Variants in OR2L13 observed in about 807,000 individuals in gnomAD.
The protein encoded by OR2L13 is olfactory receptor 2L13.
A neutral mutation model predicts 15.3 loss-of-function variants in OR2L13; 14 were observed. The observed-to-expected ratio is 0.91, with a 90% CI of 0.60 to 1.43. The LOEUF (loss-of-function observed/expected upper bound fraction) is 1.43, where lower values mean the gene tolerates loss of function less well. Among genes scored for constraint, OR2L13 ranks in the 40% most tolerant of loss-of-function variants. The pLI, the probability that OR2L13 is intolerant of heterozygous loss-of-function variation, is 0.00. For missense variants in OR2L13, 367 were observed against 387.9 expected (o/e 0.95, Z 0.45); for synonymous variants, 152 against 142.9 (o/e 1.06, Z -0.45).
At chr1:247,990,834 G>A in the OR2L13 span, 16 of 1,585,066 alleles carry the variant, frequency 1.0e-5, no homozygotes, top group Admixed American at 5.0e-5. Context: ...TAGCCTGCAC[G>A]GATACCTGGG....
chr1:247,985,046 C>A, the OR2L13 span, among the ~76,000 whole-genome samples: 2 of 152,246 alleles, frequency 1.3e-5, no homozygotes, highest in South Asian at 2.1e-4. Flanking sequence ...TATGTTGTAG[C>A]ATGTGTCAAA....
chr1:248,052,862 A>G, the OR2L13 span, among the ~76,000 whole-genome samples: 11 of 152,250 alleles, frequency 7.2e-5, no homozygotes, highest in South Asian at 2.3e-3. Flanking sequence ...TGTTTCTGAA[A>G]AAAAAAATTT....
chr1:248,095,752 G>GCC (rs1664723603), upstream of OR2L13, among the ~76,000 whole-genome samples: 5 of 150,712 alleles, frequency 3.3e-5, no homozygotes, highest in African/African-American at 1.2e-4. Flanking sequence ...GATCACAGGC[G>GCC]CATGCCACCA....
At chr1:248,048,374 A>G in the OR2L13 span, among the ~76,000 whole-genome samples, 1 of 152,196 alleles carries the variant, frequency 6.6e-6, no homozygotes, top group Non-Finnish European at 1.5e-5. Flanking sequence ...AGTCAGTCAA[A>G]TACAACATTA....
At chr1:247,989,495 G>C in the OR2L13 span, among the ~76,000 whole-genome samples, 4 of 152,050 alleles carry the variant, frequency 2.6e-5, no homozygotes, top group Non-Finnish European at 4.4e-5. Context: ...GCAAACATTT[G>C]TATCCTACTG....
chr1:248,037,558 G>T, the OR2L13 span, among the ~76,000 whole-genome samples: 4 of 152,068 alleles, frequency 2.6e-5, no homozygotes, highest in African/African-American at 7.2e-5. Flanking sequence ...AAAAACTTTG[G>T]TTATAAATAT....
the OR2L13 span, among the ~76,000 whole-genome samples, chr1:248,050,848 T>C: frequency 2.0e-5 from 3 of 152,204 alleles, no homozygotes; most frequent in Non-Finnish European, 4.4e-5. Context: ...AATTTGCTCT[T>C]CTAAATTTTT....
chr1:248,024,324 C>A, the OR2L13 span: 1 of 151,788 alleles, frequency 6.6e-6, no homozygotes, highest in Non-Finnish European at 1.5e-5. Flanking sequence ...GCTATTATAG[C>A]AATGTAAAAT....
the OR2L13 span, among the ~76,000 whole-genome samples, chr1:247,941,721 G>A: frequency 3.3e-5 from 5 of 152,124 alleles, no homozygotes; most frequent in Non-Finnish European, 7.3e-5. Flanking sequence ...GACAAGCATT[G>A]GTACCTATAG....
chr1:248,084,839 A>G, the OR2L13 span, among the ~76,000 whole-genome samples: 1 of 152,122 alleles, frequency 6.6e-6, no homozygotes, highest in African/African-American at 2.4e-5. Flanking sequence ...GCAGCCACAA[A>G]CACACAGTAA....
At chr1:248,087,532 G>A in the OR2L13 span, 1 of 152,012 alleles carries the variant, frequency 6.6e-6, no homozygotes, top group Non-Finnish European at 1.5e-5. Flanking sequence ...CATATATATG[G>A]GACTGAATCT....
chr1:248,063,810 G>A, the OR2L13 span, among the ~76,000 whole-genome samples: 1 of 152,182 alleles, frequency 6.6e-6, no homozygotes, highest in African/African-American at 2.4e-5. Flanking sequence ...GTGTGTGTGT[G>A]TGTGTGTGTG....
the OR2L13 span, among the ~76,000 whole-genome samples, chr1:247,973,769 C>T: frequency 3.9e-5 from 6 of 152,084 alleles, no homozygotes; most frequent in Non-Finnish European, 8.8e-5. Flanking sequence ...ATTAAAATGT[C>T]GGGAAACAAC....
At chr1:248,035,036 A>G in the OR2L13 span, among the ~76,000 whole-genome samples, 1 of 150,040 alleles carries the variant, frequency 6.7e-6, no homozygotes, top group Non-Finnish European at 1.5e-5. Context: ...TTAAGATAAC[A>G]TATTTATCTT....
At chr1:247,951,405 T>C in the OR2L13 span, among the ~76,000 whole-genome samples, 1 of 152,212 alleles carries the variant, frequency 6.6e-6, no homozygotes, top group Admixed American at 6.5e-5. Flanking sequence ...TCCACAAGCA[T>C]TGGATGTCTT....
the OR2L13 span, among the ~76,000 whole-genome samples, chr1:247,994,276 A>G: frequency 2.0e-5 from 3 of 152,182 alleles, no homozygotes; most frequent in Non-Finnish European, 4.4e-5. Context: ...GGGCGCCTGT[A>G]GTCCCGGCTG....
At chr1:248,097,359 G>T (rs142587407) in intron 1 of OR2L13, 1 of 152,168 alleles carries the variant, frequency 6.6e-6, no homozygotes, top group Non-Finnish European at 1.5e-5. Context: ...TAAGGTAACC[G>T]ACAGAATGAT....
At chr1:248,007,924 A>G in the OR2L13 span, among the ~76,000 whole-genome samples, 1 of 152,190 alleles carries the variant, frequency 6.6e-6, no homozygotes. Context: ...TAGTGAAATA[A>G]TTAAAGTAAA....
chr1:247,942,872 T>A, the OR2L13 span, among the ~76,000 whole-genome samples: 1 of 152,134 alleles, frequency 6.6e-6, no homozygotes, highest in African/African-American at 2.4e-5. Context: ...AAACAATTAC[T>A]CTCCTTCTCT....
Sources: gnomAD v4.1 joint callset for allele counts (sites outside exome capture counted in the v4.1 genomes callset) on GRCh38, gnomAD v4.1.1 for gene constraint, MANE v1.5 for transcripts, NCBI Gene and HGNC (gene_info 2026-07-23, HGNC 2026-07-21) for gene names.